Variants in ABHD5 observed in about 807,000 individuals in gnomAD.
The protein encoded by ABHD5 is abhydrolase domain containing 5, lysophosphatidic acid acyltransferase.
In ABHD5, 30 loss-of-function variants were observed where a neutral mutation model predicts 44.9. That is an observed-to-expected ratio of 0.67 (90% confidence interval 0.50 to 0.91). The LOEUF (loss-of-function observed/expected upper bound fraction) is 0.91, where lower values mean the gene tolerates loss of function less well. ABHD5 is among the 40% of genes least tolerant of loss of function. The pLI is 0.00. For synonymous variants in ABHD5, 167 were observed against 147.0 expected (o/e 1.14, Z -0.99); for missense variants, 399 against 423.4 (o/e 0.94, Z 0.50).
intron 7 of ABHD5, among the ~76,000 whole-genome samples, chr3:43,732,326 A>G (rs1015594818): frequency 6.6e-5 from 10 of 152,126 alleles, no homozygotes; most frequent in African/African-American, 2.4e-4. Flanking sequence ...GCTACTTGGG[A>G]GGCTGAGGCA....
chr3:43,695,803 G>C (rs2084466918), intron 1 of ABHD5, among the ~76,000 whole-genome samples: 1 of 152,116 alleles, frequency 6.6e-6, no homozygotes, highest in Admixed American at 6.5e-5. Flanking sequence ...CTCTCACTCA[G>C]GATACTTAAA....
intron 3 of ABHD5, among the ~76,000 whole-genome samples, chr3:43,705,521 T>C (rs1386467222): frequency 1.3e-5 from 2 of 152,244 alleles, no homozygotes; most frequent in East Asian, 3.8e-4. Flanking sequence ...TGACCAGCCA[T>C]TTAAACCAAC....
At chr3:43,710,822 T>C (rs1230348821) in intron 3 of ABHD5, among the ~76,000 whole-genome samples, 1 of 152,224 alleles carries the variant, frequency 6.6e-6, no homozygotes, top group Non-Finnish European at 1.5e-5. Flanking sequence ...AACATTGTAT[T>C]GTATCAGAAG....
downstream of ABHD5, among the ~76,000 whole-genome samples, chr3:43,726,621 G>A (rs916301585): frequency 2.6e-5 from 4 of 152,218 alleles, no homozygotes; most frequent in African/African-American, 9.6e-5. Flanking sequence ...CACCAAAGAT[G>A]CCAGCAACTG....
chr3:43,712,114 A>G (rs1463975624), intron 4 of ABHD5, among the ~76,000 whole-genome samples: 5 of 152,160 alleles, frequency 3.3e-5, no homozygotes. Flanking sequence ...TGCTGAGGAT[A>G]AGGTTAGTCA....
chr3:43,715,126 T>A lies in ABHD5; in HGVS notation c.773+68T>A. On this transcript the variant is annotated intron_variant, in intron 5 of 6. Coordinates refer to ENST00000644371, the MANE Select transcript of ABHD5 (RefSeq NM_016006.6). ...GTGTGTGTGTGTGTGTGTGTTTGTGTGTGTTTTAGACTATTTTTTTTAAAA... is the reference window on the plus strand; with the variant it reads ...GTGTGTGTGTGTGTGTGTGTTTGTGAGTGTTTTAGACTATTTTTTTTAAAA... 9.9e-5 allele frequency: 110 copies of A among 1,113,402 alleles called. No individual in the cohort carries two copies. The South Asian group carries it at 1.4e-3, about 14-fold the overall frequency. The allele number at this position is 1,113,402 out of a possible 1,614,324, so 69.0% of individuals were successfully genotyped here.
intron 1 of ABHD5, among the ~76,000 whole-genome samples, chr3:43,695,698 A>C (rs895477134): frequency 6.6e-6 from 1 of 152,244 alleles, no homozygotes; most frequent in Non-Finnish European, 1.5e-5. Context: ...AGAGATTACC[A>C]GGAAACTTAA....
intron 4 of ABHD5, among the ~76,000 whole-genome samples, chr3:43,713,277 C>G (rs965117200): frequency 1.4e-5 from 2 of 146,122 alleles, no homozygotes; most frequent in Admixed American, 6.9e-5. Flanking sequence ...GAGCCAAGAT[C>G]GCACCACTAT....
chr3:43,725,686 G>A (rs1171565001), downstream of ABHD5, among the ~76,000 whole-genome samples: 1 of 152,136 alleles, frequency 6.6e-6, no homozygotes, highest in Non-Finnish European at 1.5e-5. Context: ...TTCTTAAGCT[G>A]GTTTGCCACA....
chr3:43,725,378 G>A (rs150523917), downstream of ABHD5, among the ~76,000 whole-genome samples: 222 of 152,228 alleles, frequency 1.5e-3, 1 homozygote, highest in African/African-American at 5.1e-3. Context: ...GAACTAGTTA[G>A]CGTTTATTTG....
intron 4 of ABHD5, 102 bp downstream of exon 4, chr3:43,711,965 G>A: frequency 4.0e-6 from 6 of 1,510,336 alleles, no homozygotes; most frequent in Non-Finnish European, 5.5e-6. Flanking sequence ...AGAAAACCCT[G>A]AACCCTTACT....
chr3:43,731,532 G>C (rs958984938), intron 7 of ABHD5, among the ~76,000 whole-genome samples: 5 of 152,224 alleles, frequency 3.3e-5, no homozygotes, highest in African/African-American at 1.2e-4. Context: ...GCTGCTTGTT[G>C]AAAGATTTAA....
At chr3:43,715,082 A>ACT (rs752492352) in intron 5 of ABHD5, 24 bp downstream of exon 5, 1 of 1,115,040 alleles carries the variant, frequency 9.0e-7, no homozygotes, top group Non-Finnish European at 1.3e-6. Flanking sequence ...TTCTCAATTC[A>ACT]CTCTGTGTGT....
At chr3:43,705,354 A>C (rs2084603439) in intron 3 of ABHD5, among the ~76,000 whole-genome samples, 1 of 152,182 alleles carries the variant, frequency 6.6e-6, no homozygotes, top group Non-Finnish European at 1.5e-5. Context: ...CTACATCTTG[A>C]GTTAGTATAG....
In ABHD5 at chr3:43,722,013, G is replaced by A. The variant is rs2084842626; in HGVS notation, c.*3481G>A. 1 of 152,228 alleles carries A rather than the reference G, an allele frequency of 6.6e-6. No individual in the cohort carries two copies. Among genetic ancestry groups the A allele is most frequent in the South Asian group, 2.1e-4 (1 of 4,832 alleles). 9.4% of individuals were successfully genotyped at this position (152,228 alleles called of 1,614,324 possible). On this transcript the variant is annotated 3_prime_UTR_variant, in exon 7 of 7. Transcript: ENST00000644371. ...GGCACTCCAAAAATTACAAATCCCT[G>A]TGGATGGTATTTGTTAACTAGCAAA... is the stretch of plus-strand genomic sequence containing the variant.
chr3:43,730,711 T>C (rs1399846492), intron 7 of ABHD5, among the ~76,000 whole-genome samples: 1 of 152,172 alleles, frequency 6.6e-6, no homozygotes, highest in Non-Finnish European at 1.5e-5. Flanking sequence ...CTTGCTATTT[T>C]ACCCAGGCTG....
intron 2 of ABHD5, 47 bp downstream of exon 2, chr3:43,699,408 G>C: frequency 6.7e-7 from 1 of 1,497,708 alleles, no homozygotes; most frequent in Non-Finnish European, 9.3e-7. Flanking sequence ...ACTAAGATAG[G>C]TCCAATATAT....
downstream of ABHD5, among the ~76,000 whole-genome samples, chr3:43,724,767 TACA>T (rs1159935440): frequency 3.3e-5 from 5 of 152,258 alleles, no homozygotes; most frequent in Admixed American, 6.5e-5. Flanking sequence ...TCTACAAAGT[TACA>T]TAAAGATACA....
intron 3 of ABHD5, among the ~76,000 whole-genome samples, 165 bp downstream of exon 3, chr3:43,702,752 A>C (rs1471667011): frequency 2.0e-5 from 3 of 152,228 alleles, no homozygotes; most frequent in African/African-American, 7.2e-5. Flanking sequence ...AGCTGAAATA[A>C]TCATGTCAGA....
Sources: gnomAD v4.1 joint callset for allele counts (sites outside exome capture counted in the v4.1 genomes callset) on GRCh38, gnomAD v4.1.1 for gene constraint, MANE v1.5 for transcripts, NCBI Gene and HGNC (gene_info 2026-07-23, HGNC 2026-07-21) for gene names.